Variants in WASHC2C observed in about 807,000 individuals in gnomAD.
WASHC2C encodes the protein Vaccinia Penetration Factor.
WASHC2C carries 73 observed loss-of-function variants against 142.2 expected under a neutral mutation model. The observed-to-expected ratio is 0.51, with a 90% CI of 0.43 to 0.62. The LOEUF is 0.62. WASHC2C is among the 20% of genes least tolerant of loss of function. WASHC2C has a pLI of 0.00. For synonymous variants in WASHC2C, 337 were observed against 565.5 expected (o/e 0.60, Z 5.73); for missense variants, 969 against 1,531.7 (o/e 0.63, Z 6.13).
rs570158591 is a variant in WASHC2C at position 45,750,962 on chromosome 10, C to A, written c.931+124C>A. On this transcript the variant is annotated intron_variant, in intron 10 of 30. Coordinates refer to ENST00000623400, the MANE Select transcript of WASHC2C (RefSeq NM_001330074.2). ...TACATATATTTATTAGTAATTGCTA[C>A]ATATAATTTAAATTGTAGCGCTTAT... is the stretch of plus-strand genomic sequence containing the variant. The A allele has an allele frequency of 2.5e-4, 214 of 866,772 alleles. 2 individuals carry two copies. In the South Asian group the frequency reaches 3.7e-3, roughly 15 times the overall value. 53.7% of individuals were successfully genotyped at this position (866,772 alleles called of 1,614,324 possible).
At position 45,784,885 on chromosome 10, in the gene WASHC2C, C is replaced by T. The variant is rs1213372870; in HGVS notation, c.2672C>T (p.Ala891Val). Residue 891 changes from alanine (A) to valine (V), a missense_variant, in exon 25 of 31, where the codon GCC becomes GTC. Ala to Val is a moderately conservative substitution (Grantham distance 64). Coordinates refer to ENST00000623400, the MANE Select transcript of WASHC2C (RefSeq NM_001330074.2). ...GAAGATGATGATCTTTTCAGCTCTGCCAAGTCCCAGCCTTTGGTACCAGCC... is the reference window on the plus strand; with the variant it reads ...GAAGATGATGATCTTTTCAGCTCTGTCAAGTCCCAGCCTTTGGTACCAGCC... ...DDEDDDLFSS[A>V]KSQPLVQEKK... 7.5e-6 allele frequency: 12 copies of T among 1,608,900 alleles called. No individual in the cohort carries two copies. The highest frequency in any genetic ancestry group is 5.4e-5 in the African/African-American group (4 of 74,478).
intron 19 of WASHC2C, among the ~76,000 whole-genome samples, chr10:45,766,275 C>T (rs1168255172): frequency 4.6e-5 from 7 of 152,294 alleles, no homozygotes; most frequent in African/African-American, 7.2e-5. Context: ...TGGGGGAGCA[C>T]GATTAGATGA....
rs541936954 is a variant in WASHC2C, at chr10:45,769,212, GGTTC to G, written c.1870-236_1870-233del. Among the ~76,000 whole-genome samples, 293 of 151,712 alleles carry G rather than the reference GGTTC, an allele frequency of 1.9e-3. 1 individual carries two copies. The highest frequency in any genetic ancestry group is 6.5e-3 in the African/African-American group (271 of 41,394). On this transcript the variant is annotated intron_variant, in intron 19 of 30. Transcript: ENST00000623400. ...CGTTCACTGCAAGCTCTGCCTCCTGGGTTCACTCCATTCTCCTGCCTCAGCCTCC... is the reference window on the plus strand; with the variant it reads ...CGTTCACTGCAAGCTCTGCCTCCTGGACTCCATTCTCCTGCCTCAGCCTCC...
intron 14 of WASHC2C, 77 bp downstream of exon 14, chr10:45,754,622 G>A (rs1247347045): frequency 1.2e-5 from 16 of 1,373,174 alleles, no homozygotes; most frequent in South Asian, 1.1e-4. Context: ...ATCTTCTAAA[G>A]TCTGGCTGGA....
At chr10:45,753,879 G>A (rs560651680) in intron 13 of WASHC2C, among the ~76,000 whole-genome samples, 1 of 147,742 alleles carries the variant, frequency 6.8e-6, no homozygotes, top group African/African-American at 2.5e-5. Context: ...ATAGGTTTGT[G>A]GTAGTTCTTG....
intron 3 of WASHC2C, among the ~76,000 whole-genome samples, chr10:45,734,533 T>C (rs1457132795): frequency 6.6e-6 from 1 of 151,482 alleles, no homozygotes; most frequent in Non-Finnish European, 1.5e-5. Flanking sequence ...ATGAAATGTT[T>C]CATAAATTTC....
At chr10:45,728,083 CA>C (rs2050110495) in intron 2 of WASHC2C, among the ~76,000 whole-genome samples, 1 of 152,156 alleles carries the variant, frequency 6.6e-6, no homozygotes, top group Admixed American at 6.5e-5. Flanking sequence ...GGCTGGAGTG[CA>C]AGTGGCTCGA....
intron 8 of WASHC2C, among the ~76,000 whole-genome samples, chr10:45,749,163 A>C (rs1410960413): frequency 2.0e-5 from 3 of 152,146 alleles, no homozygotes; most frequent in African/African-American, 7.2e-5. Flanking sequence ...CTGTAATCCC[A>C]GTGCTTTGAG....
At chr10:45,729,521 A>T (rs1431416349) in intron 3 of WASHC2C, among the ~76,000 whole-genome samples, 3 of 152,168 alleles carry the variant, frequency 2.0e-5, no homozygotes, top group African/African-American at 7.2e-5. Flanking sequence ...CAGATTACTG[A>T]GCTTAAATCT....
intron 15 of WASHC2C, among the ~76,000 whole-genome samples, 162 bp downstream of exon 15, chr10:45,755,277 C>T (rs2054110546): frequency 6.6e-6 from 1 of 152,300 alleles, no homozygotes; most frequent in African/African-American, 2.4e-5. Context: ...AGGTGTGGTG[C>T]CTGGGAGGTC....
At chr10:45,759,073 T>C (rs2054714425) in intron 16 of WASHC2C, among the ~76,000 whole-genome samples, 1 of 140,842 alleles carries the variant, frequency 7.1e-6, no homozygotes, top group Non-Finnish European at 1.5e-5. Context: ...TCATTGCATA[T>C]GTCCCATCTG....
chr10:45,771,294 G>A lies in WASHC2C; in HGVS notation c.2039+1676G>A, dbSNP rs368736781. Among the ~76,000 whole-genome samples the A allele has an allele frequency of 2.0e-5, 3 of 149,988 alleles. No homozygotes were observed. The East Asian group carries it at 5.9e-4, about 29-fold the overall frequency. ...GCAGGAGAATTGCTTGAACCTGGGA[G>A]GCAGAGGTTACAGTGAGCCAAGATC... On this transcript the variant is annotated intron_variant, in intron 20 of 30. Transcript: ENST00000623400.
chr10:45,754,684 A>G, intron 14 of WASHC2C, 139 bp downstream of exon 14: 1 of 990,208 alleles, frequency 1.0e-6, no homozygotes, highest in Non-Finnish European at 1.5e-6. Flanking sequence ...TTATAGAAAG[A>G]GCTCATTTAC....
chr10:45,752,714 C>A lies in WASHC2C; in HGVS notation c.1122+8C>A, dbSNP rs2053758092. ...GATGATGAGGACGAGGAGGTGAGTC[C>A]ATGGCACCCAGCAACACTCCCTGCA... On this transcript the variant is annotated splice_region_variant and intron_variant, in intron 12 of 30. Coordinates refer to ENST00000623400, the MANE Select transcript of WASHC2C (RefSeq NM_001330074.2). 1 of 1,608,596 alleles carries A rather than the reference C, an allele frequency of 6.2e-7. No individual in the cohort carries two copies. Among genetic ancestry groups the A allele is most frequent in the African/African-American group, 1.4e-5 (1 of 73,476 alleles).
chr10:45,750,941 T>G (rs2053510565), intron 10 of WASHC2C, 103 bp downstream of exon 10: 8 of 834,592 alleles, frequency 9.6e-6, no homozygotes, highest in Middle Eastern at 3.6e-4. Context: ...AATTACTACA[T>G]ATATTTATTA....
Position 45,746,657 on chromosome 10 carries a change from A to G in WASHC2C, c.732+10A>G. On this transcript the variant is annotated intron_variant, in intron 8 of 30. Transcript: ENST00000623400. ...CAATGAACAAAACCAGGTAAGGCTCATATATTGAAATGACTTTGTTTTTAC... is the reference window on the plus strand; with the variant it reads ...CAATGAACAAAACCAGGTAAGGCTCGTATATTGAAATGACTTTGTTTTTAC... 6.2e-7 allele frequency: 1 copy of G among 1,612,506 alleles called. No homozygotes were observed. Among genetic ancestry groups the G allele is most frequent in the Non-Finnish European group, 8.5e-7 (1 of 1,178,826 alleles).
At chr10:45,781,548 T>A (rs1242790691) in intron 23 of WASHC2C, among the ~76,000 whole-genome samples, 2 of 152,294 alleles carry the variant, frequency 1.3e-5, no homozygotes, top group African/African-American at 4.8e-5. Flanking sequence ...ACCCTCACAT[T>A]TACAGTCAGT....
intron 6 of WASHC2C, among the ~76,000 whole-genome samples, chr10:45,744,560 C>CT (rs1340826978): frequency 6.6e-6 from 1 of 151,980 alleles, no homozygotes; most frequent in East Asian, 1.9e-4. Context: ...CCTTTCTTTG[C>CT]TTTTTATGAC....
At chr10:45,737,906 C>T in intron 3 of WASHC2C, 77 bp from the exon 4 acceptor site, 1 of 1,610,712 alleles carries the variant, frequency 6.2e-7, no homozygotes, top group Non-Finnish European at 8.5e-7. Flanking sequence ...TCCTTAGTTA[C>T]TGTGTGAATT....
Sources: gnomAD v4.1 joint callset for allele counts (sites outside exome capture counted in the v4.1 genomes callset) on GRCh38, gnomAD v4.1.1 for gene constraint, MANE v1.5 for transcripts, NCBI Gene and HGNC (gene_info 2026-07-23, HGNC 2026-07-21) for gene names.